The following COL5A2 variants were observed in gnomAD, a reference collection of about 807,000 sequenced individuals.
COL5A2 encodes the protein collagen alpha-2(V) chain.
A neutral mutation model predicts 208.2 loss-of-function variants in COL5A2; 23 were observed. The ratio of observed to expected loss-of-function variants is 0.11; its 90% confidence interval spans 0.08 to 0.16. The LOEUF is 0.16. Ranked by LOEUF, COL5A2 falls within the 10% of genes least tolerant of loss-of-function variation. The probability of loss-of-function intolerance (pLI) is 1.00; values close to 1 mark genes in which losing one functional copy is unlikely to be tolerated. For synonymous variants in COL5A2, 625 were observed against 628.5 expected, an observed-to-expected ratio of 0.99 and a Z score of 0.08; for missense variants, 1,590 against 1,956.4, an observed-to-expected ratio of 0.81 and a Z score of 3.53.
chr2:189,321,502 C>T, the COL5A2 span, among the ~76,000 whole-genome samples: 3 of 152,086 alleles, frequency 2.0e-5, no homozygotes, highest in East Asian at 5.8e-4. Flanking sequence ...CAAAAAATGG[C>T]AGGGGTTGCA....
chr2:189,354,733 C>G, the COL5A2 span, among the ~76,000 whole-genome samples: 1 of 152,142 alleles, frequency 6.6e-6, no homozygotes, highest in Admixed American at 6.6e-5. Context: ...AAAACCAACT[C>G]CTGTATTCAT....
chr2:189,043,476 A>G (rs1490156391), intron 47 of COL5A2, among the ~76,000 whole-genome samples: 1 of 152,098 alleles, frequency 6.6e-6, no homozygotes, highest in African/African-American at 2.4e-5. Flanking sequence ...AAAAGATATA[A>G]TAAGAATACT....
At chr2:189,235,414 T>C in the COL5A2 span, among the ~76,000 whole-genome samples, 1 of 151,758 alleles carries the variant, frequency 6.6e-6, no homozygotes, top group African/African-American at 2.4e-5. Context: ...AACATAATAT[T>C]GAAGAGAGCA....
rs150724439 is a variant in COL5A2 at position 189,066,517 on chromosome 2, A to G, written c.1456-20T>C. The G allele has an allele frequency of 3.8e-4, 613 of 1,611,200 alleles. 1 individual carries two copies. The East Asian group carries it at 0.012, about 32-fold the overall frequency. ...TGGCCCCTGTTAAAAACAGAAGGAC[A>G]GTTACCAGAAAGACCCATCCAACCA... On this transcript the variant is annotated intron_variant, in intron 22 of 53. Coordinates refer to ENST00000374866, the MANE Select transcript of COL5A2 (RefSeq NM_000393.5).
chr2:189,209,542 G>T (rs1203897100), intron 1 of COL5A2, among the ~76,000 whole-genome samples: 2 of 152,150 alleles, frequency 1.3e-5, no homozygotes, highest in African/African-American at 4.8e-5. Flanking sequence ...TGAGCCCCAG[G>T]TCACACAGAT....
chr2:189,423,542 TCA>T, the COL5A2 span, among the ~76,000 whole-genome samples: 32 of 151,466 alleles, frequency 2.1e-4, no homozygotes, highest in South Asian at 8.3e-4. Context: ...ACAAAAAATA[TCA>T]CAGTGGATAA....
At chr2:189,228,812 G>T (rs1294919132), upstream of COL5A2, among the ~76,000 whole-genome samples, 1 of 151,794 alleles carries the variant, frequency 6.6e-6, no homozygotes, top group Non-Finnish European at 1.5e-5. Context: ...CCCGTTTTAT[G>T]AAGCCAGCAT....
At chr2:189,220,683 A>T (rs1312995117) in intron 1 of COL5A2, among the ~76,000 whole-genome samples, 1 of 152,188 alleles carries the variant, frequency 6.6e-6, no homozygotes, top group Non-Finnish European at 1.5e-5. Flanking sequence ...AACATCTGTC[A>T]TCTTGGTTAT....
intron 5 of COL5A2, 32 bp downstream of exon 5, chr2:189,098,695 G>C: frequency 5.8e-6 from 9 of 1,550,600 alleles, no homozygotes; most frequent in Non-Finnish European, 8.0e-6. Flanking sequence ...AGGAATACAA[G>C]AGTACCAAGA....
intron 1 of COL5A2, among the ~76,000 whole-genome samples, chr2:189,113,253 G>A (rs537939621): frequency 1.3e-5 from 2 of 152,234 alleles, no homozygotes; most frequent in Non-Finnish European, 2.9e-5. Flanking sequence ...AATATAGTGA[G>A]ATACTATCTC....
the COL5A2 span, among the ~76,000 whole-genome samples, chr2:189,344,978 C>G: frequency 6.6e-6 from 1 of 152,160 alleles, no homozygotes; most frequent in Non-Finnish European, 1.5e-5. Context: ...ACTCATCACA[C>G]AAAAAGCCAA....
chr2:189,038,068 T>C (rs1576485485), intron 51 of COL5A2, among the ~76,000 whole-genome samples: 1 of 152,264 alleles, frequency 6.6e-6, no homozygotes, highest in Non-Finnish European at 1.5e-5. Flanking sequence ...AAGGGGTACC[T>C]GTGCAGATTT....
At chr2:189,426,900 C>T in the COL5A2 span, among the ~76,000 whole-genome samples, 3 of 152,182 alleles carry the variant, frequency 2.0e-5, no homozygotes, top group African/African-American at 7.2e-5. Context: ...AAACTTATAT[C>T]TAAAAGGGAA....
chr2:189,089,617 C>G (rs1210291939), intron 7 of COL5A2, among the ~76,000 whole-genome samples: 3 of 152,160 alleles, frequency 2.0e-5, no homozygotes, highest in Non-Finnish European at 4.4e-5. Flanking sequence ...AAATTCAAGT[C>G]TTATGGCAAC....
chr2:189,414,580 T>C, the COL5A2 span, among the ~76,000 whole-genome samples: 1 of 151,642 alleles, frequency 6.6e-6, no homozygotes, highest in South Asian at 2.1e-4. Context: ...AAAACCCCCG[T>C]CTCTACTAAA....
chr2:189,344,204 T>C, the COL5A2 span, among the ~76,000 whole-genome samples: 136 of 152,324 alleles, frequency 8.9e-4, no homozygotes, highest in South Asian at 0.012. Context: ...TTTATGAACA[T>C]GTTTACATGG....
the COL5A2 span, among the ~76,000 whole-genome samples, chr2:189,322,740 C>T: frequency 1.3e-5 from 2 of 152,118 alleles, no homozygotes; most frequent in Non-Finnish European, 2.9e-5. Flanking sequence ...CCGAATTCTA[C>T]CAGAGGTACA....
At chr2:189,313,046 A>G in the COL5A2 span, among the ~76,000 whole-genome samples, 1 of 152,092 alleles carries the variant, frequency 6.6e-6, no homozygotes, top group African/African-American at 2.4e-5. Context: ...AAAATACCCT[A>G]CAAGAATTTC....
At chr2:189,361,634 T>A in the COL5A2 span, among the ~76,000 whole-genome samples, 3 of 152,108 alleles carry the variant, frequency 2.0e-5, no homozygotes, top group African/African-American at 7.2e-5. Context: ...AGGTAAAGGT[T>A]TACTATTGCC....
Sources: gnomAD v4.1 joint callset for allele counts (sites outside exome capture counted in the v4.1 genomes callset) on GRCh38, gnomAD v4.1.1 for gene constraint, MANE v1.5 for transcripts, NCBI Gene and HGNC (gene_info 2026-07-23, HGNC 2026-07-21) for gene names.